PPIL6: variants seen among roughly 807,000 people sequenced by gnomAD.
The protein encoded by PPIL6 is probable inactive peptidyl-prolyl cis-trans isomerase-like 6.
PPIL6 carries 39 observed loss-of-function variants against 36.8 expected under a neutral mutation model. The observed-to-expected ratio is 1.06, with a 90% CI of 0.82 to 1.38. The LOEUF (loss-of-function observed/expected upper bound fraction) is 1.38, where lower values mean the gene tolerates loss of function less well. PPIL6 is among the 40% of genes most tolerant of loss of function. PPIL6 has a pLI of 0.00. For missense variants in PPIL6, 368 were observed against 379.1 expected, an observed-to-expected ratio of 0.97 and a Z score of 0.24; for synonymous variants, 123 against 134.1, an observed-to-expected ratio of 0.92 and a Z score of 0.57.
At chr6:109,434,792 G>C (rs1009863479) in intron 2 of PPIL6, among the ~76,000 whole-genome samples, 6 of 152,130 alleles carry the variant, frequency 3.9e-5, no homozygotes, top group African/African-American at 1.2e-4. Context: ...ACTAGGCCAG[G>C]GGTGACAAGC....
At chr6:109,394,226 A>G (rs1249345436) in intron 7 of PPIL6, among the ~76,000 whole-genome samples, 1 of 152,114 alleles carries the variant, frequency 6.6e-6, no homozygotes, top group African/African-American at 2.4e-5. Context: ...ACCAAAAATT[A>G]ACTGGGCTTG....
chr6:109,437,757 GTTGGCCAGGCTGGTC>G (rs1284109930), intron 1 of PPIL6, among the ~76,000 whole-genome samples: 50 of 152,004 alleles, frequency 3.3e-4, no homozygotes, highest in African/African-American at 9.2e-4. Flanking sequence ...GTTTCACCAT[GTTGGCCAGGCTGGTC>G]TTGGCCAGGC....
chr6:109,435,145 G>C (rs145814194), intron 2 of PPIL6, among the ~76,000 whole-genome samples: 1 of 152,150 alleles, frequency 6.6e-6, no homozygotes, highest in African/African-American at 2.4e-5. Context: ...AAGAGGGCCA[G>C]GCCACATTAA....
chr6:109,400,254 T>C, intron 6 of PPIL6, 84 bp from the exon 7 acceptor site: 3 of 1,043,086 alleles, frequency 2.9e-6, no homozygotes, highest in Non-Finnish European at 4.1e-6. Flanking sequence ...AATAGAACCC[T>C]TGGTAACACT....
intron 1 of PPIL6, among the ~76,000 whole-genome samples, chr6:109,438,126 A>G (rs1477381319): frequency 6.6e-6 from 1 of 152,114 alleles, no homozygotes; most frequent in East Asian, 1.9e-4. Flanking sequence ...AATACATATA[A>G]TGTATACTTA....
At chr6:109,407,851 G>T (rs1772865204) in intron 6 of PPIL6, among the ~76,000 whole-genome samples, 1 of 151,992 alleles carries the variant, frequency 6.6e-6, no homozygotes, top group Non-Finnish European at 1.5e-5. Context: ...TTGAGATGGG[G>T]TCTTGCTATG....
In PPIL6 at chr6:109,426,953, C is replaced by A. The variant is rs1773849924; in HGVS notation, c.525G>T (p.Gln175His). 4 of 1,607,472 alleles carry A rather than the reference C, an allele frequency of 2.5e-6. No individual in the cohort carries two copies. Among genetic ancestry groups the A allele is most frequent in the Non-Finnish European group, 2.6e-6 (3 of 1,175,190 alleles). The change falls in exon 5 of 8, where the codon CAG becomes CAT. Residue 175 changes from glutamine (Q) to histidine (H), a missense_variant. Coordinates refer to ENST00000521072, the MANE Select transcript of PPIL6 (RefSeq NM_173672.5). ...DVCPKTCKNF[Q>H]VLCTGKAGFS... is the part of the protein sequence containing the mutation. Reference sequence around the variant, plus strand: ...ACCCTGCTTTTCCTGTGCACAAGACCTGAAAATTTTTACATGTTTTGGGAC... The same window carrying A: ...ACCCTGCTTTTCCTGTGCACAAGACATGAAAATTTTTACATGTTTTGGGAC...
chr6:109,409,808 C>A (rs909728339), intron 6 of PPIL6, among the ~76,000 whole-genome samples: 3 of 152,044 alleles, frequency 2.0e-5, no homozygotes, highest in African/African-American at 7.2e-5. Flanking sequence ...TAGGAATTAA[C>A]CAAAGTGAAA....
At chr6:109,400,535 T>G (rs965392198) in intron 6 of PPIL6, among the ~76,000 whole-genome samples, 1 of 152,206 alleles carries the variant, frequency 6.6e-6, no homozygotes. Context: ...ACCATACTCA[T>G]TAAAAACACC....
rs756363996 is a variant in PPIL6 at position 109,426,846 on chromosome 6, C to A, written c.631+1G>T. 3 of 1,506,716 alleles carry A rather than the reference C, an allele frequency of 2.0e-6. No homozygotes were observed. Among genetic ancestry groups the A allele is most frequent in the African/African-American group, 2.7e-5 (2 of 72,826 alleles). The allele number at this position is 1,506,716 out of a possible 1,614,324, so 93.3% of individuals were successfully genotyped here. ...ACTCGTATTTAAGATTTTAAACTTA[C>A]CCCCTCCTTGTATCCAGCCATTCTG... is the stretch of plus-strand genomic sequence containing the variant. On this transcript the variant is annotated splice_donor_variant, in intron 5 of 7. Transcript: ENST00000521072. LOFTEE classifies it high-confidence loss of function.
intron 3 of PPIL6, among the ~76,000 whole-genome samples, chr6:109,429,185 T>A (rs1396187034): frequency 6.6e-6 from 1 of 152,184 alleles, no homozygotes; most frequent in Non-Finnish European, 1.5e-5. Flanking sequence ...CTATCCTCTA[T>A]CCTCACTGCC....
At chr6:109,410,364 G>A (rs1018459284) in intron 6 of PPIL6, among the ~76,000 whole-genome samples, 4 of 152,124 alleles carry the variant, frequency 2.6e-5, no homozygotes, top group Admixed American at 2.0e-4. Flanking sequence ...TCCAGTATGG[G>A]TGGGAACACA....
At chr6:109,401,913 C>T (rs1772562560) in intron 6 of PPIL6, among the ~76,000 whole-genome samples, 1 of 151,804 alleles carries the variant, frequency 6.6e-6, no homozygotes, top group Non-Finnish European at 1.5e-5. Flanking sequence ...TTAGTGGAAA[C>T]AGGGTTTCAC....
upstream of PPIL6, chr6:109,440,652 C>A: frequency 8.6e-7 from 1 of 1,166,350 alleles, no homozygotes; most frequent in South Asian, 4.3e-5. Flanking sequence ...AACCGCGCGG[C>A]CCCGCCTCCG....
intron 6 of PPIL6, among the ~76,000 whole-genome samples, chr6:109,408,392 G>A (rs897442718): frequency 4.6e-5 from 7 of 152,092 alleles, no homozygotes; most frequent in Non-Finnish European, 8.8e-5. Flanking sequence ...GCTTCAAATT[G>A]TCAGGTTCAT....
At chr6:109,395,890 C>T (rs1772284989) in intron 7 of PPIL6, among the ~76,000 whole-genome samples, 1 of 141,976 alleles carries the variant, frequency 7.0e-6, no homozygotes, top group Non-Finnish European at 1.5e-5. Context: ...GTCTGTAGTG[C>T]AGTGGTGCGA....
chr6:109,423,819 A>G (rs1773675703), intron 5 of PPIL6, among the ~76,000 whole-genome samples: 1 of 152,130 alleles, frequency 6.6e-6, no homozygotes, highest in African/African-American at 2.4e-5. Context: ...TTAACTTTGG[A>G]CTTTAAAAAT....
rs772677150 is a variant in PPIL6 at position 109,436,081 on chromosome 6, C to T, written c.231+23G>A. 7 of 1,296,504 alleles carry T rather than the reference C, an allele frequency of 5.4e-6. No individual in the cohort carries two copies. The Admixed American group carries it at 6.8e-5, about 13-fold the overall frequency. 80.3% of individuals were successfully genotyped at this position (1,296,504 alleles called of 1,614,324 possible). On this transcript the variant is annotated intron_variant, in intron 2 of 7. Coordinates refer to ENST00000521072, the MANE Select transcript of PPIL6 (RefSeq NM_173672.5). ...AAAACTTGGCTTGTTGTCTATATCCCCCACACCCCAAATATCCTTTACCCT... is the reference window on the plus strand; with the variant it reads ...AAAACTTGGCTTGTTGTCTATATCCTCCACACCCCAAATATCCTTTACCCT...
intron 7 of PPIL6, among the ~76,000 whole-genome samples, chr6:109,393,315 T>TGATCCTCCTGCCTC (rs1562252483): frequency 1.3e-5 from 2 of 151,986 alleles, no homozygotes; most frequent in Non-Finnish European, 2.9e-5. Context: ...CCTCCTGGCT[T>TGATCCTCCTGCCTC]AAGTGATCCT....
Sources: gnomAD v4.1 joint callset for allele counts (sites outside exome capture counted in the v4.1 genomes callset) on GRCh38, gnomAD v4.1.1 for gene constraint, MANE v1.5 for transcripts, NCBI Gene and HGNC (gene_info 2026-07-23, HGNC 2026-07-21) for gene names.